Variants in PARP8 observed in about 807,000 individuals in gnomAD.
The protein encoded by PARP8 is poly(ADP-ribose) polymerase family member 8.
In PARP8, 51 loss-of-function variants were observed where a neutral mutation model predicts 124.1. The ratio of observed to expected loss-of-function variants is 0.41; its 90% CI spans 0.33 to 0.52. PARP8 has a LOEUF of 0.52. Among genes scored for constraint, PARP8 ranks in the 20% least tolerant of loss-of-function variants. The pLI, the probability that PARP8 is intolerant of heterozygous loss-of-function variation, is 0.21. For missense variants in PARP8, 860 were observed against 1,018.9 expected, an observed-to-expected ratio of 0.84 and a Z score of 2.12; for synonymous variants, 391 against 361.5, an observed-to-expected ratio of 1.08 and a Z score of -0.93.
rs951302702 is a variant in PARP8, at chr5:50,666,948, C to G, written c.-148C>G. 3.6e-4 allele frequency: 431 copies of G among 1,205,498 alleles called. No individual in the cohort carries two copies. Among genetic ancestry groups the G allele is most frequent in the Admixed American group, 5.1e-4 (20 of 39,024 alleles). 74.7% of individuals were successfully genotyped at this position (1,205,498 alleles called of 1,614,324 possible). A position where few individuals can be genotyped will look rare whatever the true frequency, so the allele number is the denominator to read the frequency against. On this transcript the variant is annotated 5_prime_UTR_variant, in exon 1 of 26. Coordinates refer to ENST00000281631, the MANE Select transcript of PARP8 (RefSeq NM_024615.4). Reference sequence around the variant, plus strand: ...CTCCTCCTCCTCCTCTTCTCTCACCCAGGATCACTTCCGAAACCACTTCGC... The same window carrying G: ...CTCCTCCTCCTCCTCTTCTCTCACCGAGGATCACTTCCGAAACCACTTCGC...
chr5:50,828,269 T>A, intron 20 of PARP8, 43 bp from the exon 21 acceptor site: 1 of 1,560,282 alleles, frequency 6.4e-7, no homozygotes, highest in Non-Finnish European at 8.8e-7. Context: ...TGAAGATAAT[T>A]AATTTTCTGG....
intron 2 of PARP8, among the ~76,000 whole-genome samples, chr5:50,677,946 T>C (rs1750828935): frequency 6.6e-6 from 1 of 151,932 alleles, no homozygotes; most frequent in Non-Finnish European, 1.5e-5. Context: ...ACCCTGTACA[T>C]TATACAGGCA....
chr5:50,810,330 T>C (rs1744298155), intron 14 of PARP8, among the ~76,000 whole-genome samples: 1 of 152,044 alleles, frequency 6.6e-6, no homozygotes, highest in African/African-American at 2.4e-5. Context: ...ATAAGTAATA[T>C]AACATTTGGT....
Position 50,754,048 on chromosome 5 carries a change from A to G in PARP8, c.184+3860A>G, listed in dbSNP as rs185374010. Among the ~76,000 whole-genome samples, 1,340 of 136,142 alleles carry G rather than the reference A, an allele frequency of 9.8e-3. 26 individuals carry two copies. Among genetic ancestry groups the G allele is most frequent in the African/African-American group, 0.036 (1,274 of 35,580 alleles). 89.3% of individuals were successfully genotyped at this position (136,142 alleles called of 152,430 possible). ...TCTAACTGTCCCCAGAGGTTTTCAGAAAAAAAAAAAAGAGCTTAGAAGTCA... is the reference window on the plus strand; with the variant it reads ...TCTAACTGTCCCCAGAGGTTTTCAGGAAAAAAAAAAAGAGCTTAGAAGTCA... On this transcript the variant is annotated intron_variant, in intron 3 of 25. Coordinates refer to ENST00000281631, the MANE Select transcript of PARP8 (RefSeq NM_024615.4).
chr5:50,702,544 C>G lies in PARP8; in HGVS notation c.146+34419C>G, dbSNP rs1753707962. Among the ~76,000 whole-genome samples the G allele has an allele frequency of 1.3e-5, 2 of 152,122 alleles. 1 individual carries two copies. Among genetic ancestry groups the G allele is most frequent in the Non-Finnish European group, 2.9e-5 (2 of 68,030 alleles). On this transcript the variant is annotated intron_variant, in intron 2 of 25. Coordinates refer to ENST00000281631, the MANE Select transcript of PARP8 (RefSeq NM_024615.4). Reference sequence around the variant, plus strand: ...GAAATTCATTCTAAGTCAAAATGCCCTGATTCACTCAAAACTTAGAAGATG... The same window carrying G: ...GAAATTCATTCTAAGTCAAAATGCCGTGATTCACTCAAAACTTAGAAGATG...
At chr5:50,760,464 A>T (rs1235927589) in intron 5 of PARP8, 102 bp downstream of exon 5, 3 of 935,940 alleles carry the variant, frequency 3.2e-6, no homozygotes. Context: ...CTAAAATGGT[A>T]TATGGTGAAT....
chr5:50,692,997 A>G (rs1752655615), intron 2 of PARP8, among the ~76,000 whole-genome samples: 1 of 152,142 alleles, frequency 6.6e-6, no homozygotes, highest in South Asian at 2.1e-4. Context: ...TAAAATTTTT[A>G]TGATAAGGGT....
At chr5:50,674,178 T>G (rs534373711) in intron 2 of PARP8, among the ~76,000 whole-genome samples, 2 of 152,338 alleles carry the variant, frequency 1.3e-5, no homozygotes, top group Non-Finnish European at 2.9e-5. Flanking sequence ...GGTGGACACT[T>G]CCACCTGAGT....
chr5:50,818,462 T>C (rs1745367280), intron 15 of PARP8, among the ~76,000 whole-genome samples: 1 of 152,206 alleles, frequency 6.6e-6, no homozygotes, highest in Admixed American at 6.5e-5. Context: ...ACTCCTGATC[T>C]CAAGGGATCC....
At chr5:50,673,513 G>A (rs562472736) in intron 2 of PARP8, among the ~76,000 whole-genome samples, 2 of 152,220 alleles carry the variant, frequency 1.3e-5, no homozygotes, top group South Asian at 2.1e-4. Flanking sequence ...GCTGTTTTAC[G>A]TTTTATAGCA....
chr5:50,760,301 A>G lies in PARP8; in HGVS notation c.284A>G (p.Lys95Arg). 1 of 1,518,550 alleles carries G rather than the reference A, an allele frequency of 6.6e-7. No homozygotes were observed. Among genetic ancestry groups the G allele is most frequent in the Non-Finnish European group, 9.0e-7 (1 of 1,117,264 alleles). 94.1% of individuals were successfully genotyped at this position (1,518,550 alleles called of 1,614,324 possible). A position where few individuals can be genotyped will look rare whatever the true frequency, so the allele number is the denominator to read the frequency against. The change falls in exon 5 of 26, where the codon AAA (lysine) becomes AGA (arginine). Residue 95 changes from lysine to arginine, a missense_variant. Physicochemically the swap from Lys to Arg is conservative, Grantham distance 26. Transcript: ENST00000281631. Reference sequence around the variant, plus strand: ...TACAACTTTCTTTCAGAATTAAGAAAAACAAATGACATTAACTGTTGCTTA... The same window carrying G: ...TACAACTTTCTTTCAGAATTAAGAAGAACAAATGACATTAACTGTTGCTTA... ...IFHRIATELR[K>R]TNDINCCLSI...
intron 7 of PARP8, among the ~76,000 whole-genome samples, chr5:50,768,325 GA>G (rs950377789): frequency 9.0e-4 from 132 of 146,990 alleles, no homozygotes; most frequent in African/African-American, 2.6e-3. Context: ...CATATTCATT[GA>G]AAAAAAAAAC....
intron 2 of PARP8, among the ~76,000 whole-genome samples, chr5:50,716,803 G>A (rs866962035): frequency 6.6e-6 from 1 of 152,068 alleles, no homozygotes; most frequent in Non-Finnish European, 1.5e-5. Flanking sequence ...AACATTAAGA[G>A]TCTCAGATTA....
intron 7 of PARP8, among the ~76,000 whole-genome samples, chr5:50,771,597 A>G (rs1417017178): frequency 2.0e-5 from 3 of 152,372 alleles, no homozygotes; most frequent in South Asian, 2.1e-4. Context: ...TAAATTACAT[A>G]AAACCATTTA....
At position 50,766,828 on chromosome 5, in the gene PARP8, A is replaced by G. The variant is rs373995585; in HGVS notation, c.518+3586A>G. Among the ~76,000 whole-genome samples the G allele has an allele frequency of 8.5e-5, 13 of 152,198 alleles. No individual in the cohort carries two copies. In the East Asian group the frequency reaches 1.5e-3, roughly 18 times the overall value. On this transcript the variant is annotated intron_variant, in intron 7 of 25. Transcript: ENST00000281631. The stretch of plus-strand genomic sequence containing the variant: ...TTAAGGAACGTATATCACGTTACTC[A>G]TACCCACCAAACATGTATCTCCTTT...
intron 7 of PARP8, among the ~76,000 whole-genome samples, chr5:50,771,593 A>G (rs978118768): frequency 4.6e-5 from 7 of 152,274 alleles, no homozygotes; most frequent in African/African-American, 1.7e-4. Context: ...TTATTAAATT[A>G]CATAAAACCA....
chr5:50,667,717 C>T, intron 1 of PARP8: 1 of 700,740 alleles, frequency 1.4e-6, no homozygotes, highest in Non-Finnish European at 2.6e-6. Context: ...CTCGGATTCC[C>T]AAGGCACCCA....
intron 2 of PARP8, among the ~76,000 whole-genome samples, chr5:50,706,645 A>G (rs1435912154): frequency 6.6e-6 from 1 of 152,032 alleles, no homozygotes; most frequent in Non-Finnish European, 1.5e-5. Context: ...TATACCTGTA[A>G]TTGAGTAGTT....
At chr5:50,783,973 A>C (rs1048338306) in intron 9 of PARP8, among the ~76,000 whole-genome samples, 1 of 152,162 alleles carries the variant, frequency 6.6e-6, no homozygotes, top group Non-Finnish European at 1.5e-5. Flanking sequence ...TTTTACAGTG[A>C]TATTTACAAA....
Sources: allele counts gnomAD v4.1 joint callset (sites outside exome capture counted in the v4.1 genomes callset), GRCh38; gene constraint gnomAD v4.1.1; transcripts MANE v1.5; gene names NCBI Gene and HGNC (gene_info 2026-07-23, HGNC 2026-07-21).